Variants in GUCY1A2 observed in about 807,000 individuals in gnomAD.
GUCY1A2 encodes guanylate cyclase 1 soluble subunit alpha 2.
Under a neutral mutation model 63.5 loss-of-function variants are expected in GUCY1A2, and 27 were observed. The observed-to-expected ratio is 0.43, with a 90% CI of 0.31 to 0.59. GUCY1A2 has a LOEUF of 0.59. Among genes scored for constraint, GUCY1A2 ranks in the 20% least tolerant of loss-of-function variants. The pLI, the probability that GUCY1A2 is intolerant of heterozygous loss-of-function variation, is 0.11. For synonymous variants in GUCY1A2, 364 were observed against 343.5 expected (o/e 1.06, Z -0.66); for missense variants, 768 against 913.3 (o/e 0.84, Z 2.05).
chr11:106,704,679 T>G (rs1862876459), intron 7 of GUCY1A2, among the ~76,000 whole-genome samples: 1 of 152,176 alleles, frequency 6.6e-6, no homozygotes, highest in African/African-American at 2.4e-5. Flanking sequence ...GTAATTCAAG[T>G]CTTTCTACAC....
chr11:106,689,601 G>T (rs1333566479), intron 7 of GUCY1A2, among the ~76,000 whole-genome samples: 1 of 151,960 alleles, frequency 6.6e-6, no homozygotes, highest in African/African-American at 2.4e-5. Context: ...AAGCCAACAC[G>T]TATATGAAAA....
chr11:106,944,264 C>T (rs1217624347), intron 3 of GUCY1A2, among the ~76,000 whole-genome samples: 3 of 119,028 alleles, frequency 2.5e-5, no homozygotes, highest in Non-Finnish European at 3.6e-5. Flanking sequence ...GGGCAACATG[C>T]CTAAACCCTG....
At chr11:106,813,009 T>C (rs1223330379) in intron 4 of GUCY1A2, among the ~76,000 whole-genome samples, 1 of 152,048 alleles carries the variant, frequency 6.6e-6, no homozygotes, top group East Asian at 1.9e-4. Flanking sequence ...TCTTGAATTA[T>C]GTTTCTCATA....
intron 4 of GUCY1A2, chr11:106,936,522 T>A: frequency 1.9e-6 from 1 of 537,720 alleles, no homozygotes; most frequent in East Asian, 2.9e-5. Flanking sequence ...AATACTATAA[T>A]GAGGAAAAAG....
chr11:106,741,389 G>A (rs978522017), intron 6 of GUCY1A2, among the ~76,000 whole-genome samples: 2 of 152,204 alleles, frequency 1.3e-5, no homozygotes, highest in Non-Finnish European at 2.9e-5. Context: ...GCTGCACACT[G>A]AAGCATACAT....
At chr11:106,812,604 A>G (rs1041594376) in intron 4 of GUCY1A2, among the ~76,000 whole-genome samples, 2 of 151,886 alleles carry the variant, frequency 1.3e-5, no homozygotes, top group Non-Finnish European at 2.9e-5. Flanking sequence ...ATGTGGAATT[A>G]GTGTATGTAT....
intron 7 of GUCY1A2, among the ~76,000 whole-genome samples, chr11:106,693,485 C>A (rs909417517): frequency 9.2e-5 from 14 of 151,962 alleles, no homozygotes; most frequent in African/African-American, 2.9e-4. Flanking sequence ...GGTACAATGA[C>A]AATTAGTGGA....
At chr11:106,906,772 C>G (rs1465918141) in intron 4 of GUCY1A2, among the ~76,000 whole-genome samples, 1 of 152,152 alleles carries the variant, frequency 6.6e-6, no homozygotes, top group East Asian at 1.9e-4. Context: ...AGGATGAGTT[C>G]ATGTCCTTTG....
intron 4 of GUCY1A2, among the ~76,000 whole-genome samples, chr11:106,817,637 G>T (rs945491443): frequency 3.3e-5 from 5 of 151,902 alleles, no homozygotes; most frequent in African/African-American, 1.2e-4. Flanking sequence ...AATATATAAA[G>T]AACTCAACTG....
At chr11:106,836,008 C>G (rs1384521964) in intron 4 of GUCY1A2, among the ~76,000 whole-genome samples, 2 of 151,926 alleles carry the variant, frequency 1.3e-5, no homozygotes, top group Admixed American at 1.3e-4. Context: ...AGTATGCTAT[C>G]TTTTACAAGC....
chr11:106,913,906 C>T (rs1860329739), intron 4 of GUCY1A2, among the ~76,000 whole-genome samples: 1 of 150,034 alleles, frequency 6.7e-6, no homozygotes, highest in Admixed American at 6.7e-5. Context: ...TAATCGGCAA[C>T]CATCAAGCAT....
intron 4 of GUCY1A2, among the ~76,000 whole-genome samples, chr11:106,868,828 G>T (rs1223917331): frequency 1.3e-5 from 2 of 152,154 alleles, no homozygotes; most frequent in Non-Finnish European, 2.9e-5. Context: ...AACAAAGCTG[G>T]AGGCATCACG....
At chr11:107,012,056 G>A (rs1205920484) in intron 1 of GUCY1A2, among the ~76,000 whole-genome samples, 1 of 152,018 alleles carries the variant, frequency 6.6e-6, no homozygotes, top group Non-Finnish European at 1.5e-5. Flanking sequence ...AAATATATAT[G>A]TCCTTGTATT....
At chr11:106,868,760 A>G (rs551768272) in intron 4 of GUCY1A2, among the ~76,000 whole-genome samples, 1 of 152,334 alleles carries the variant, frequency 6.6e-6, no homozygotes, top group African/African-American at 2.4e-5. Flanking sequence ...AAACTACTTT[A>G]AAGTTCATAT....
intron 5 of GUCY1A2, among the ~76,000 whole-genome samples, chr11:106,808,378 A>G (rs1858720426): frequency 6.6e-6 from 1 of 152,090 alleles, no homozygotes; most frequent in South Asian, 2.1e-4. Flanking sequence ...AAATTTGAAG[A>G]TCATACGGAG....
At chr11:106,829,117 T>A (rs1281468976) in intron 4 of GUCY1A2, among the ~76,000 whole-genome samples, 2 of 152,392 alleles carry the variant, frequency 1.3e-5, no homozygotes, top group South Asian at 4.1e-4. Context: ...TGTGACTCAA[T>A]AATAATCTTC....
intron 4 of GUCY1A2, chr11:106,936,662 G>C (rs1210695765): frequency 1.3e-6 from 2 of 1,530,292 alleles, no homozygotes; most frequent in Non-Finnish European, 1.8e-6. Flanking sequence ...CAAGACTGTT[G>C]AATCCTGCCA....
At chr11:106,977,847 C>T (rs1336666677) in intron 3 of GUCY1A2, among the ~76,000 whole-genome samples, 1 of 151,830 alleles carries the variant, frequency 6.6e-6, no homozygotes, top group East Asian at 1.9e-4. Flanking sequence ...CTATCTGGGT[C>T]ATAAAGAAAA....
At chr11:106,880,164 C>A (rs542525862) in intron 4 of GUCY1A2, among the ~76,000 whole-genome samples, 2 of 151,982 alleles carry the variant, frequency 1.3e-5, no homozygotes, top group Admixed American at 1.3e-4. Context: ...CAGAATGACA[C>A]CATGGCCTAA....
Sources: allele counts gnomAD v4.1 joint callset (sites outside exome capture counted in the v4.1 genomes callset), GRCh38; gene constraint gnomAD v4.1.1; transcripts MANE v1.5; gene names NCBI Gene and HGNC (gene_info 2026-07-23, HGNC 2026-07-21).